The following SYNE1 variants were observed in gnomAD, a reference collection of about 807,000 sequenced individuals.
The protein encoded by SYNE1 is nesprin-1.
Under a neutral mutation model 1,111.0 loss-of-function variants are expected in SYNE1, and 616 were observed. That is an observed-to-expected ratio of 0.55 (90% CI 0.52 to 0.59). SYNE1 has a LOEUF of 0.59. Among genes scored for constraint, SYNE1 ranks in the 20% least tolerant of loss-of-function variants. The pLI, the probability that SYNE1 is intolerant of heterozygous loss-of-function variation, is 0.00. For missense variants in SYNE1, 10,006 were observed against 10,417.0 expected, an observed-to-expected ratio of 0.96 and a Z score of 1.72; for synonymous variants, 3,855 against 3,825.8, an observed-to-expected ratio of 1.01 and a Z score of -0.28.
At chr6:152,408,098 T>G (rs2154167329) in intron 44 of SYNE1, among the ~76,000 whole-genome samples, 1 of 151,884 alleles carries the variant, frequency 6.6e-6, no homozygotes, top group South Asian at 2.1e-4. Flanking sequence ...GCATGTAGGG[T>G]TTTCTGCAGT....
At position 152,201,865 on chromosome 6, in the gene SYNE1, C is replaced by A. The variant is rs1458209605; in HGVS notation, c.23104G>T (p.Asp7702Tyr). 2 of 1,613,928 alleles carry A rather than the reference C, an allele frequency of 1.2e-6. No individual in the cohort carries two copies. Among genetic ancestry groups the A allele is most frequent in the Non-Finnish European group, 1.7e-6 (2 of 1,179,824 alleles). Reference protein sequence around the residue: ...FKKKLSQSLPDHHEELHAEQM... With the variant: ...FKKKLSQSLPYHHEELHAEQM... ...TCTGCATGGAGCTCTTCATGGTGAT[C>A]CGGGAGAGACTGCGAAAGCTTCTTT... Residue 7702 changes from aspartate to tyrosine, a missense_variant, in exon 127 of 146, where the codon GAT (aspartate) becomes TAT (tyrosine). Physicochemically the swap from Asp to Tyr is radical, Grantham distance 160 (BLOSUM62 -3). Around this residue, in one of 7 missense-constraint regions of SYNE1, gnomAD observed 2,182 missense variants for 2,287.8 expected, o/e 0.95. Transcript: ENST00000367255.
chr6:152,134,399 T>G (rs1478109707), intron 142 of SYNE1: 1 of 152,386 alleles, frequency 6.6e-6, no homozygotes, highest in African/African-American at 2.4e-5. Context: ...CTGGGTGTGG[T>G]GGCTCATGCC....
intron 3 of SYNE1, among the ~76,000 whole-genome samples, chr6:152,579,170 C>T (rs2099510952): frequency 6.6e-6 from 1 of 152,214 alleles, no homozygotes; most frequent in Non-Finnish European, 1.5e-5. Context: ...AACCTAGTTA[C>T]TACCCCATTT....
At chr6:152,171,152 TA>T (rs1344842054) in intron 130 of SYNE1, among the ~76,000 whole-genome samples, 1 of 152,246 alleles carries the variant, frequency 6.6e-6, no homozygotes, top group East Asian at 1.9e-4. Flanking sequence ...GAAAATGGAC[TA>T]ATACAGTGGT....
chr6:152,425,352 T>C (rs1239971321), intron 39 of SYNE1, 29 bp downstream of exon 39: 2 of 1,608,008 alleles, frequency 1.2e-6, no homozygotes, highest in East Asian at 2.2e-5. Flanking sequence ...AAATGAACAA[T>C]ATTAGAAGAT....
At chr6:152,184,114 T>C (rs2068957564) in intron 128 of SYNE1, among the ~76,000 whole-genome samples, 2 of 152,176 alleles carry the variant, frequency 1.3e-5, no homozygotes, top group Non-Finnish European at 1.5e-5. Context: ...TATGGTAATA[T>C]TAGAGAAATA....
intron 81 of SYNE1, 76 bp downstream of exon 81, chr6:152,325,008 G>A (rs1240049326): frequency 2.6e-6 from 4 of 1,544,396 alleles, no homozygotes; most frequent in Non-Finnish European, 2.7e-6. Context: ...CTTCAAAAAG[G>A]GGCAAAATAC....
In SYNE1 at chr6:152,331,824, C is replaced by T. The variant is rs1364659581; in HGVS notation, c.12861G>A (p.Glu4287=). The T allele has an allele frequency of 6.2e-7, 1 of 1,614,124 alleles. No individual in the cohort carries two copies. Among genetic ancestry groups the T allele is most frequent in the Admixed American group, 1.7e-5 (1 of 60,036 alleles). The part of the protein sequence containing the change: ...ALKKLALALQ[E]RKYAIEDLKD... Reference sequence around the variant, plus strand: ...TCAGATCTTCAATAGCATACTTTCTCTCCTGCAATGCCAATGCTAACTTTT... The same window carrying T: ...TCAGATCTTCAATAGCATACTTTCTTTCCTGCAATGCCAATGCTAACTTTT... Residue 4287 remains glutamate (E), a synonymous_variant, in exon 78 of 146, where the codon GAG becomes GAA. Coordinates refer to ENST00000367255, the MANE Select transcript of SYNE1 (RefSeq NM_182961.4).
At chr6:152,171,184 G>A (rs1431129809) in intron 130 of SYNE1, among the ~76,000 whole-genome samples, 1 of 152,184 alleles carries the variant, frequency 6.6e-6, no homozygotes, top group Non-Finnish European at 1.5e-5. Flanking sequence ...TCATTCTTCT[G>A]AGCTAGCTAC....
Position 152,326,393 on chromosome 6 carries a change from T to C in SYNE1, c.15196A>G (p.Thr5066Ala). 1 of 1,614,198 alleles carries C rather than the reference T, an allele frequency of 6.2e-7. No individual in the cohort carries two copies. Among genetic ancestry groups the C allele is most frequent in the Non-Finnish European group, 8.5e-7 (1 of 1,180,036 alleles). ...TTCTGTTCTAGGTCTTCTTTGCCGGTTGGCTTGATGAGTGGGTCCAGGGTG... is the reference window on the plus strand; with the variant it reads ...TTCTGTTCTAGGTCTTCTTTGCCGGCTGGCTTGATGAGTGGGTCCAGGGTG... ...VATLDPLIKP[T>A]GKEDLEQKVA... The change falls in exon 79 of 146, where the codon ACC becomes GCC. Residue 5066 changes from threonine (T) to alanine (A), a missense_variant. Physicochemically the swap from Thr to Ala is moderately conservative, Grantham distance 58. Around this residue, in one of 7 missense-constraint regions of SYNE1, gnomAD observed 4,955 missense variants for 5,017.2 expected, o/e 0.99. Coordinates refer to ENST00000367255, the MANE Select transcript of SYNE1 (RefSeq NM_182961.4).
chr6:152,350,429 T>C (rs1328051241), intron 71 of SYNE1, 94 bp from the exon 72 acceptor site: 1 of 1,549,330 alleles, frequency 6.5e-7, no homozygotes, highest in African/African-American at 1.4e-5. Context: ...ACTCACAGGG[T>C]AGTTAGAGCT....
chr6:152,611,466 A>G (rs1281020472), intron 3 of SYNE1, among the ~76,000 whole-genome samples: 1 of 152,220 alleles, frequency 6.6e-6, no homozygotes, highest in Non-Finnish European at 1.5e-5. Context: ...ATATATATGC[A>G]CCCAATACAG....
intron 129 of SYNE1, among the ~76,000 whole-genome samples, chr6:152,177,890 T>A (rs2066880753): frequency 6.6e-6 from 1 of 152,298 alleles, no homozygotes; most frequent in South Asian, 2.1e-4. Flanking sequence ...TGGCTTCAAT[T>A]TTTTTTATGA....
rs1328657493 is a variant in SYNE1 at position 152,231,258 on chromosome 6, C to A, written c.21039+133G>T. ...GTTAAAGGAAGTTTAGGGTGATTAA[C>A]CTTCAGCGGTATTATTGGAAGCGTT... On this transcript the variant is annotated intron_variant, in intron 114 of 145. Transcript: ENST00000367255. 1.2e-4 allele frequency: 106 copies of A among 878,476 alleles called. 1 individual carries two copies. In the South Asian group the frequency reaches 1.4e-3, roughly 12 times the overall value. The allele number at this position is 878,476 out of a possible 1,614,324, so 54.4% of individuals were successfully genotyped here.
chr6:152,344,157 G>T lies in SYNE1; in HGVS notation c.12149C>A (p.Ala4050Asp), dbSNP rs1235435215. The T allele has an allele frequency of 6.2e-7, 1 of 1,614,208 alleles. No homozygotes were observed. The highest frequency in any genetic ancestry group is 2.2e-5 in the East Asian group (1 of 44,884). The change falls in exon 74 of 146, where the codon GCC becomes GAC. Residue 4050 changes from alanine (A) to aspartate (D), a missense_variant. Physicochemically the swap from Ala to Asp is moderately radical, Grantham distance 126. Around this residue, in one of 7 missense-constraint regions of SYNE1, gnomAD observed 4,955 missense variants for 5,017.2 expected, o/e 0.99. Coordinates refer to ENST00000367255, the MANE Select transcript of SYNE1 (RefSeq NM_182961.4). ...SRQDTLQQCQ[A>D]WLSAVQPDLE... ...ATCCGGCTGGACTGCAGAAAGCCAGGCCTGGCACTGCTGCAGGGTGTCTTG... is the reference window on the plus strand; with the variant it reads ...ATCCGGCTGGACTGCAGAAAGCCAGTCCTGGCACTGCTGCAGGGTGTCTTG...
intron 58 of SYNE1, 72 bp downstream of exon 58, chr6:152,376,309 G>C (rs1044132575): frequency 1.3e-6 from 2 of 1,555,566 alleles, no homozygotes; most frequent in African/African-American, 2.7e-5. Context: ...CAGGAGATGG[G>C]GACCCTTGAT....
chr6:152,247,855 A>ACACAC (rs1562486827), intron 105 of SYNE1, among the ~76,000 whole-genome samples: 1 of 89,848 alleles, frequency 1.1e-5, no homozygotes, highest in South Asian at 3.2e-4. Context: ...GGTGTTCTTT[A>ACACAC]ACACACACAC....
At chr6:152,509,559 G>A (rs1443000274) in intron 8 of SYNE1, among the ~76,000 whole-genome samples, 1 of 151,994 alleles carries the variant, frequency 6.6e-6, no homozygotes, top group African/African-American at 2.4e-5. Context: ...GTCTGGCTGA[G>A]AGCAGTCATT....
At chr6:152,418,450 T>C (rs942805145) in intron 40 of SYNE1, among the ~76,000 whole-genome samples, 1 of 152,138 alleles carries the variant, frequency 6.6e-6, no homozygotes, top group Non-Finnish European at 1.5e-5. Flanking sequence ...CAGCAAGGAG[T>C]GAACACTCAA....
Sources: allele counts gnomAD v4.1 joint callset (sites outside exome capture counted in the v4.1 genomes callset), GRCh38; gene constraint gnomAD v4.1.1; regional missense constraint gnomAD v4.1.1; transcripts MANE v1.5; gene names NCBI Gene and HGNC (gene_info 2026-07-23, HGNC 2026-07-21).